KCNIP3: variants seen among roughly 807,000 people sequenced by gnomAD.
KCNIP3 encodes the protein calsenilin.
Under a neutral mutation model 35.0 loss-of-function variants are expected in KCNIP3, and 28 were observed. The ratio of observed to expected loss-of-function variants is 0.80; its 90% confidence interval spans 0.59 to 1.10. KCNIP3 has a LOEUF of 1.10. KCNIP3 is among the 50% of genes least tolerant of loss of function. The pLI is 0.00. For synonymous variants in KCNIP3, 134 were observed against 133.8 expected, an observed-to-expected ratio of 1.00 and a Z score of -0.01; for missense variants, 295 against 338.4, an observed-to-expected ratio of 0.87 and a Z score of 1.01.
At chr2:95,324,553 T>TAAATAAATAAATAAATAAAA (rs1305988823) in intron 2 of KCNIP3, among the ~76,000 whole-genome samples, 1 of 150,986 alleles carries the variant, frequency 6.6e-6, no homozygotes, top group Non-Finnish European at 1.5e-5. Flanking sequence ...AATAAATAAA[T>TAAATAAATAAATAAATAAAA]AAAAATAACG....
intron 2 of KCNIP3, among the ~76,000 whole-genome samples, chr2:95,315,295 G>C: frequency 6.6e-6 from 1 of 152,158 alleles, no homozygotes; most frequent in Non-Finnish European, 1.5e-5. Context: ...CAGCCTGATC[G>C]GCCCAGGGAG....
intron 2 of KCNIP3, among the ~76,000 whole-genome samples, chr2:95,335,415 A>G (rs544151634): frequency 6.6e-6 from 1 of 152,178 alleles, no homozygotes; most frequent in African/African-American, 2.4e-5. Flanking sequence ...CTTCCATTGT[A>G]TTCTGGCTTC....
At chr2:95,374,209 A>G in intron 2 of KCNIP3, 87 bp from the exon 3 acceptor site, 1 of 1,518,196 alleles carries the variant, frequency 6.6e-7, no homozygotes, top group South Asian at 1.2e-5. Flanking sequence ...TCCACCTGCT[A>G]TTTTGGCCCA....
At chr2:95,358,407 C>A (rs1304379691) in intron 2 of KCNIP3, among the ~76,000 whole-genome samples, 1 of 152,180 alleles carries the variant, frequency 6.6e-6, no homozygotes, top group Non-Finnish European at 1.5e-5. Flanking sequence ...GAAGAAAGCC[C>A]TGCTTGTAGT....
intron 2 of KCNIP3, among the ~76,000 whole-genome samples, chr2:95,373,247 A>T (rs1680081291): frequency 6.6e-6 from 1 of 152,204 alleles, no homozygotes; most frequent in Non-Finnish European, 1.5e-5. Flanking sequence ...AGGTGTGGGC[A>T]CTCAGTGCTG....
chr2:95,379,167 G>A (rs372030489), intron 5 of KCNIP3, among the ~76,000 whole-genome samples: 1 of 151,748 alleles, frequency 6.6e-6, no homozygotes, highest in Admixed American at 6.6e-5. Context: ...TGGGAGGATC[G>A]CTTGAGCCCA....
intron 2 of KCNIP3, chr2:95,368,875 C>A: frequency 5.5e-6 from 1 of 181,280 alleles, no homozygotes. Flanking sequence ...CACAAAAAGC[C>A]CCCACCATCC....
intron 2 of KCNIP3, among the ~76,000 whole-genome samples, chr2:95,343,985 A>G (rs754760496): frequency 9.3e-5 from 1 of 10,772 alleles, no homozygotes; most frequent in East Asian, 2.5e-3. Context: ...GGACTTCAGG[A>G]GAGGGCTCAG....
intron 2 of KCNIP3, among the ~76,000 whole-genome samples, chr2:95,341,005 G>A (rs1410081506): frequency 2.6e-5 from 4 of 152,230 alleles, no homozygotes; most frequent in Admixed American, 6.5e-5. Context: ...GAGGCTGTGT[G>A]GAAGGGTTCT....
intron 2 of KCNIP3, among the ~76,000 whole-genome samples, chr2:95,341,350 C>A (rs548539440): frequency 3.3e-5 from 5 of 152,296 alleles, no homozygotes; most frequent in African/African-American, 1.2e-4. Context: ...GCCTGGTCAG[C>A]CTGTGGAACC....
At chr2:95,370,694 C>T (rs1212899310) in intron 2 of KCNIP3, among the ~76,000 whole-genome samples, 5 of 152,158 alleles carry the variant, frequency 3.3e-5, no homozygotes, top group South Asian at 4.1e-4. Context: ...GTTTTTCCAG[C>T]CTGTGACTTG....
rs139063064 is a variant in KCNIP3, at chr2:95,358,535, C to T, written c.182-15761C>T. ...TGATTGCAGCCCCCCTGGCTATCAA[C>T]GGTGTATTAGCCTGTTTTCTGCTGC... On this transcript the variant is annotated intron_variant, in intron 2 of 8. Coordinates refer to ENST00000295225, the MANE Select transcript of KCNIP3 (RefSeq NM_013434.5). Among the ~76,000 whole-genome samples, 26 of 152,320 alleles carry T rather than the reference C, an allele frequency of 1.7e-4. No homozygotes were observed. The East Asian group carries it at 3.5e-3, about 20-fold the overall frequency.
At chr2:95,357,066 G>A (rs1166553664) in intron 2 of KCNIP3, among the ~76,000 whole-genome samples, 3 of 152,226 alleles carry the variant, frequency 2.0e-5, no homozygotes, top group South Asian at 4.1e-4. Context: ...GATGCTTGAT[G>A]TTGCTCTAGG....
chr2:95,323,089 T>G (rs937316962), intron 2 of KCNIP3, among the ~76,000 whole-genome samples: 3 of 151,862 alleles, frequency 2.0e-5, no homozygotes, highest in African/African-American at 7.3e-5. Flanking sequence ...AAATAGAACA[T>G]GTAGGAGGGG....
intron 2 of KCNIP3, among the ~76,000 whole-genome samples, chr2:95,367,912 C>T (rs1679954899): frequency 6.6e-6 from 1 of 152,152 alleles, no homozygotes; most frequent in Non-Finnish European, 1.5e-5. Context: ...CAGGCGCCTG[C>T]CATCACGCCT....
rs551560121 is a variant in KCNIP3 at position 95,385,941 on chromosome 2, C to A, written c.*1892C>A. 2 of 152,464 alleles carry A rather than the reference C, an allele frequency of 1.3e-5. No homozygotes were observed. Among genetic ancestry groups the A allele is most frequent in the African/African-American group, 4.8e-5 (2 of 41,472 alleles). The allele number at this position is 152,464 out of a possible 1,614,324, so 9.4% of individuals were successfully genotyped here. ...CCAACCAGGAGGGGTCTGCCTCCCA[C>A]GCTGGGACACAGACCGGCCGCATGT... On this transcript the variant is annotated 3_prime_UTR_variant, in exon 9 of 9. Coordinates refer to ENST00000295225, the MANE Select transcript of KCNIP3 (RefSeq NM_013434.5).
intron 2 of KCNIP3, among the ~76,000 whole-genome samples, chr2:95,344,345 T>G (rs1558769028): frequency 6.6e-6 from 1 of 151,816 alleles, no homozygotes; most frequent in Non-Finnish European, 1.5e-5. Flanking sequence ...AAGGGGAGTG[T>G]GATAAGACCC....
intron 2 of KCNIP3, among the ~76,000 whole-genome samples, chr2:95,350,021 T>G (rs1679473741): frequency 6.6e-6 from 1 of 152,126 alleles, no homozygotes; most frequent in African/African-American, 2.4e-5. Flanking sequence ...CTCCTGAAAT[T>G]ATGGGCAAGA....
intron 1 of KCNIP3, among the ~76,000 whole-genome samples, chr2:95,309,434 T>G (rs1165245495): frequency 6.6e-6 from 1 of 151,320 alleles, no homozygotes; most frequent in Non-Finnish European, 1.5e-5. Context: ...ACTGCTTTTT[T>G]TTTTTTTTTG....
Sources: gnomAD v4.1 joint callset for allele counts (sites outside exome capture counted in the v4.1 genomes callset) on GRCh38, gnomAD v4.1.1 for gene constraint, MANE v1.5 for transcripts, NCBI Gene and HGNC (gene_info 2026-07-23, HGNC 2026-07-21) for gene names.